Variants in USP50 observed in about 807,000 individuals in gnomAD.
The protein encoded by USP50 is ubiquitin carboxyl-terminal hydrolase 50.
In USP50, 37 loss-of-function variants were observed where a neutral mutation model predicts 39.2. The observed-to-expected ratio is 0.94, with a 90% CI of 0.73 to 1.24. USP50 has a LOEUF of 1.24. Ranked by LOEUF, USP50 falls within the 50% of genes most tolerant of loss-of-function variation. USP50 has a pLI of 0.00. For missense variants in USP50, 374 were observed against 398.2 expected, an observed-to-expected ratio of 0.94 and a Z score of 0.52; for synonymous variants, 139 against 144.5, an observed-to-expected ratio of 0.96 and a Z score of 0.27.
chr15:50,519,574 G>A (rs577319579), intron 6 of USP50, among the ~76,000 whole-genome samples: 2 of 152,232 alleles, frequency 1.3e-5, no homozygotes, highest in Non-Finnish European at 1.5e-5. Context: ...AATTAGGCGG[G>A]TGCGGTGGCG....
At chr15:50,520,560 A>C (rs3098188) in intron 6 of USP50, among the ~76,000 whole-genome samples, 46,310 of 151,822 alleles carry the variant, frequency 0.31, 7,474 homozygotes, top group East Asian at 0.57. Context: ...TTGGCCTCAC[A>C]AAGTGCTGGG....
chr15:50,498,516 T>C, downstream of USP50: 1 of 1,460,456 alleles, frequency 6.8e-7, no homozygotes, highest in Non-Finnish European at 9.1e-7. Context: ...CAGTCCTGGC[T>C]AAAAATCTAG....
chr15:50,512,409 G>C (rs2052750445), intron 6 of USP50: 1 of 152,292 alleles, frequency 6.6e-6, no homozygotes, highest in East Asian at 1.9e-4. Context: ...AGAAGGAACG[G>C]GTTACAGGGT....
chr15:50,545,712 T>A (rs952958241), intron 1 of USP50, among the ~76,000 whole-genome samples: 5 of 151,896 alleles, frequency 3.3e-5, no homozygotes, highest in Non-Finnish European at 5.9e-5. Flanking sequence ...CACACACATA[T>A]ACACGGAGAG....
rs374431084 is a variant in USP50, at chr15:50,526,766, TG to T, written c.936+3030del. 3.9e-3 allele frequency among the ~76,000 whole-genome samples: 589 copies of T among 152,324 alleles called. 5 individuals carry two copies. Among genetic ancestry groups the T allele is most frequent in the African/African-American group, 0.013 (555 of 41,588 alleles). On this transcript the variant is annotated intron_variant, in intron 6 of 6. Coordinates refer to ENST00000532404, the MANE Select transcript of USP50 (RefSeq NM_203494.5). ...CAAGACGGTTTGGAGCCAGCCTGCC[TG>T]GGTTCAGATCTTGGCTCTGCTCTTT...
At chr15:50,497,202 AC>A, downstream of USP50, 1 of 1,610,860 alleles carries the variant, frequency 6.2e-7, no homozygotes, top group South Asian at 1.1e-5. Flanking sequence ...TCTGGAAGTT[AC>A]CACCTGTGCT....
chr15:50,504,863 T>C (rs553953771), intron 6 of USP50: 113 of 151,884 alleles, frequency 7.4e-4, no homozygotes, highest in African/African-American at 2.7e-3. Flanking sequence ...GCACCTGTAA[T>C]CCCAGCTACT....
Position 50,533,189 on chromosome 15 carries a change from T to TA in USP50, c.804-3261dup, listed in dbSNP as rs575991636. Among the ~76,000 whole-genome samples, 566 of 78,764 alleles carry TA rather than the reference T, an allele frequency of 7.2e-3. 5 individuals carry two copies. The East Asian group carries it at 0.084, about 12-fold the overall frequency. The allele number at this position is 78,764 out of a possible 152,430, so 51.7% of individuals were successfully genotyped here. A position where few individuals can be genotyped will look rare whatever the true frequency, so the allele number is the denominator to read the frequency against. On this transcript the variant is annotated intron_variant, in intron 5 of 6. Transcript: ENST00000532404. ...AAAAAAAGAAACAAAGAAAATAGACTAAAAAAAAAAAAAAAGCACAACAAT... is the reference window on the plus strand; with the variant it reads ...AAAAAAAGAAACAAAGAAAATAGACTAAAAAAAAAAAAAAAAGCACAACAAT...
At chr15:50,500,130 C>T (rs780851056), downstream of USP50, 1 of 152,136 alleles carries the variant, frequency 6.6e-6, no homozygotes, top group Non-Finnish European at 1.5e-5. Context: ...AAGAGACCAC[C>T]ATTAGCAGGC....
Position 50,541,118 on chromosome 15 carries a change from G to A in USP50, c.591C>T (p.Cys197=), listed in dbSNP as rs1411178976. The change falls in exon 4 of 7, where the codon TGC becomes TGT. Residue 197 remains cysteine (C), a synonymous_variant. Coordinates refer to ENST00000532404, the MANE Select transcript of USP50 (RefSeq NM_203494.5). ...CAGTGAAGACTTCGTTCTTGTAGGTGCATTTCTCACACTTTAAACATACGA... is the reference window on the plus strand; with the variant it reads ...CAGTGAAGACTTCGTTCTTGTAGGTACATTTCTCACACTTTAAACATACGA... ...YSIVCLKCEK[C]TYKNEVFTVF... The A allele has an allele frequency of 4.3e-6, 7 of 1,613,738 alleles. No homozygotes were observed. The highest frequency in any genetic ancestry group is 5.1e-6 in the Non-Finnish European group (6 of 1,179,848).
intron 4 of USP50, among the ~76,000 whole-genome samples, chr15:50,539,512 G>A (rs2053012435): frequency 6.6e-6 from 1 of 151,504 alleles, no homozygotes; most frequent in African/African-American, 2.4e-5. Flanking sequence ...CACCTCCTGG[G>A]TTCAAGCGAT....
chr15:50,520,824 C>A (rs192157351), intron 6 of USP50, among the ~76,000 whole-genome samples: 2 of 152,182 alleles, frequency 1.3e-5, no homozygotes, highest in Admixed American at 1.3e-4. Context: ...AGGCTGGGAA[C>A]AACTTGGGGA....
intron 6 of USP50, among the ~76,000 whole-genome samples, chr15:50,518,989 TA>T (rs1215104239): frequency 6.6e-6 from 1 of 152,072 alleles, no homozygotes; most frequent in Non-Finnish European, 1.5e-5. Flanking sequence ...ATAATCCCAT[TA>T]AAAAGTGGGC....
rs377398920 is a variant in USP50 at position 50,543,768 on chromosome 15, A to C, written c.274T>G (p.Phe92Val). ...QNDCSEVATAFAYLMTDMWLG... is the reference protein window; with the variant it reads ...QNDCSEVATAVAYLMTDMWLG... ...CACATGTCTGTCATCAGATAGGCAAAAGCAGTGGCAACTTCACTGCAATCG... is the reference window on the plus strand; with the variant it reads ...CACATGTCTGTCATCAGATAGGCAACAGCAGTGGCAACTTCACTGCAATCG... Residue 92 changes from phenylalanine to valine, a missense_variant, in exon 3 of 7, where the codon TTT becomes GTT. Transcript: ENST00000532404. 253 of 1,609,054 alleles carry C rather than the reference A, an allele frequency of 1.6e-4. No individual in the cohort carries two copies. Among genetic ancestry groups the C allele is most frequent in the Non-Finnish European group, 1.7e-4 (206 of 1,177,542 alleles).
intron 6 of USP50, chr15:50,508,078 A>G: frequency 6.6e-6 from 1 of 151,278 alleles, no homozygotes; most frequent in Non-Finnish European, 1.5e-5. Context: ...TCAAAAAAAA[A>G]AAAAAAAAAA....
chr15:50,505,136 G>A (rs1162901218), intron 6 of USP50: 1 of 152,166 alleles, frequency 6.6e-6, no homozygotes, highest in East Asian at 1.9e-4. Flanking sequence ...GAATCGAGTA[G>A]GGGAGCAAGG....
downstream of USP50, chr15:50,494,005 T>C: frequency 4.5e-6 from 7 of 1,547,710 alleles, no homozygotes; most frequent in South Asian, 7.9e-5. Flanking sequence ...ATCAAGAATC[T>C]ACTGTACCTT....
At chr15:50,495,766 GTGTT>G (rs2052374053), downstream of USP50, 1 of 1,112,888 alleles carries the variant, frequency 9.0e-7, no homozygotes, top group Non-Finnish European at 1.3e-6. Context: ...AATCTGGCAA[GTGTT>G]TGTATTCACT....
At chr15:50,497,634 C>T (rs2052469257), downstream of USP50, 2 of 152,408 alleles carry the variant, frequency 1.3e-5, no homozygotes, top group Admixed American at 6.6e-5. Context: ...AATATGTTAA[C>T]GATACCATTA....
Sources: gnomAD v4.1 joint callset for allele counts (sites outside exome capture counted in the v4.1 genomes callset) on GRCh38, gnomAD v4.1.1 for gene constraint, MANE v1.5 for transcripts, NCBI Gene and HGNC (gene_info 2026-07-23, HGNC 2026-07-21) for gene names.